Variants in ANKRD30BL observed in about 807,000 individuals in gnomAD.
The protein encoded by ANKRD30BL is putative ankyrin repeat domain-containing protein 30B-like.
ANKRD30BL carries 20 observed loss-of-function variants against 18.4 expected under a neutral mutation model. The ratio of observed to expected loss-of-function variants is 1.09; its 90% CI spans 0.77 to 1.58. The LOEUF is 1.58. Among genes scored for constraint, ANKRD30BL ranks in the 40% most tolerant of loss-of-function variants. The probability of loss-of-function intolerance (pLI) is 0.00; values close to 1 mark genes in which losing one functional copy is unlikely to be tolerated. For synonymous variants in ANKRD30BL, 72 were observed against 100.9 expected, an observed-to-expected ratio of 0.71 and a Z score of 1.72; for missense variants, 224 against 268.6, an observed-to-expected ratio of 0.83 and a Z score of 1.16.
Position 132,204,131 on chromosome 2 carries a change from A to G in ANKRD30BL, n.442-46985T>C, listed in dbSNP as rs9287393. On this transcript the variant is annotated intron_variant and non_coding_transcript_variant, in intron 1 of 4. Transcript: ENST00000470729. Reference sequence around the variant, plus strand: ...CAATATTTTAATTGGATCCTGAAAAATGAATGAAGATAGACAGAAAACAAG... The same window carrying G: ...CAATATTTTAATTGGATCCTGAAAAGTGAATGAAGATAGACAGAAAACAAG... 6.6e-5 allele frequency among the ~76,000 whole-genome samples: 10 copies of G among 152,220 alleles called. No individual in the cohort carries two copies. The East Asian group carries it at 1.5e-3, about 23-fold the overall frequency.
At chr2:132,256,409 T>G (rs2104816555) in intron 1 of ANKRD30BL, among the ~76,000 whole-genome samples, 1 of 152,228 alleles carries the variant, frequency 6.6e-6, no homozygotes, top group South Asian at 2.1e-4. Context: ...CGTGCCCATG[T>G]GCGAGGAGGC....
intron 1 of ANKRD30BL, among the ~76,000 whole-genome samples, chr2:132,176,979 T>C (rs1457910243): frequency 2.0e-5 from 3 of 152,176 alleles, no homozygotes; most frequent in African/African-American, 7.2e-5. Context: ...GTATTTACCT[T>C]AACCAAAACT....
chr2:132,227,017 T>G (rs979157456), intron 1 of ANKRD30BL, among the ~76,000 whole-genome samples: 1 of 151,432 alleles, frequency 6.6e-6, no homozygotes, highest in African/African-American at 2.4e-5. Flanking sequence ...TTGAGGCCTA[T>G]GGTGGGAAAG....
intron 1 of ANKRD30BL, among the ~76,000 whole-genome samples, chr2:132,198,322 TTC>T (rs1491134025): frequency 0.07 from 556 of 7,998 alleles, 12 homozygotes; most frequent in Non-Finnish European, 0.11. Flanking sequence ...CTTTCTTTCT[TTC>T]TTTTTTTTTT....
At chr2:132,200,035 C>T (rs1679063720) in intron 1 of ANKRD30BL, among the ~76,000 whole-genome samples, 1 of 152,142 alleles carries the variant, frequency 6.6e-6, no homozygotes, top group African/African-American at 2.4e-5. Flanking sequence ...TGTAATCTAG[C>T]ATATAAACAG....
chr2:132,214,160 C>A (rs990918020), intron 1 of ANKRD30BL, among the ~76,000 whole-genome samples: 1 of 151,372 alleles, frequency 6.6e-6, no homozygotes, highest in East Asian at 1.9e-4. Context: ...GAAATATCTT[C>A]ACATAAAAAC....
In ANKRD30BL at chr2:132,231,937, C is replaced by T. The variant is rs552242872; in HGVS notation, n.441+25592G>A. Among the ~76,000 whole-genome samples the T allele has an allele frequency of 5.1e-4, 78 of 152,328 alleles. 1 individual carries two copies. The highest frequency in any genetic ancestry group is 8.4e-4 in the Non-Finnish European group (57 of 68,032). ...CCTCTGCAGACTTAAATGTCCCTGT[C>T]TGACAGCTTTGAAGAGAGCAGTGGT... is the stretch of plus-strand genomic sequence containing the variant. On this transcript the variant is annotated intron_variant and non_coding_transcript_variant, in intron 1 of 4. Transcript: ENST00000470729.
At chr2:132,235,273 G>A (rs1278384798) in intron 1 of ANKRD30BL, among the ~76,000 whole-genome samples, 2 of 152,100 alleles carry the variant, frequency 1.3e-5, no homozygotes, top group African/African-American at 4.8e-5. Context: ...TTTGAAAACT[G>A]GCACAAGACA....
intron 3 of ANKRD30BL, 57 bp from the exon 4 acceptor site, chr2:132,154,825 T>C (rs200274266): frequency 1.6e-6 from 1 of 639,062 alleles, no homozygotes; most frequent in Admixed American, 2.8e-5. Context: ...CTCAGCTGAA[T>C]TGAATACCTT....
chr2:132,229,200 C>T (rs558074186), intron 1 of ANKRD30BL, among the ~76,000 whole-genome samples: 3 of 151,828 alleles, frequency 2.0e-5, no homozygotes, highest in African/African-American at 7.3e-5. Context: ...TTTGAAGGAC[C>T]AGTTTTGAAA....
intron 1 of ANKRD30BL, among the ~76,000 whole-genome samples, chr2:132,231,077 A>G (rs1194563020): frequency 1.3e-5 from 2 of 152,018 alleles, no homozygotes; most frequent in African/African-American, 4.8e-5. Flanking sequence ...TTGAAAGAGC[A>G]GGTTTGAAAC....
chr2:132,221,546 G>C (rs1679683801), intron 1 of ANKRD30BL, among the ~76,000 whole-genome samples: 1 of 135,130 alleles, frequency 7.4e-6, no homozygotes, highest in Non-Finnish European at 1.6e-5. Context: ...GAGGGAGGTG[G>C]GGGGGTCAGC....
rs180752597 is a variant in ANKRD30BL at position 132,230,977 on chromosome 2, C to T, written n.441+26552G>A. Among the ~76,000 whole-genome samples the T allele has an allele frequency of 9.7e-3, 1,475 of 152,186 alleles. 23 individuals are homozygous for T. The highest frequency in any genetic ancestry group is 0.032 in the African/African-American group (1,324 of 41,520). On this transcript the variant is annotated intron_variant and non_coding_transcript_variant, in intron 1 of 4. Coordinates refer to the ANKRD30BL transcript ENST00000470729. ...AATGCTTTGCAGCCTTCATTGGAAA[C>T]GGGAATATCTTCACATAATCACTAG...
chr2:132,148,352 C>CTTTTTTTTTTTTTTTTT lies in ANKRD30BL; in HGVS notation c.680-141_680-125dup, dbSNP rs869150935. The CTTTTTTTTTTTTTTTTT allele has an allele frequency of 6.0e-5, 9 of 151,090 alleles. 3 individuals are homozygous for CTTTTTTTTTTTTTTTTT. Among genetic ancestry groups the CTTTTTTTTTTTTTTTTT allele is most frequent in the African/African-American group, 3.3e-4 (5 of 15,168 alleles). 9.4% of individuals were successfully genotyped at this position (151,090 alleles called of 1,614,324 possible). ...AATACTACCAAACTTTTGTTTTCTC[C>CTTTTTTTTTTTTTTTTT]TTTTTTTTTTTTTTTTTTTTTTTTT... On this transcript the variant is annotated intron_variant, in intron 5 of 5. Coordinates refer to ENST00000409867, the MANE Select transcript of ANKRD30BL (RefSeq NM_001358416.1).
chr2:132,197,148 T>C (rs1290827831), intron 1 of ANKRD30BL, among the ~76,000 whole-genome samples: 1 of 152,278 alleles, frequency 6.6e-6, no homozygotes, highest in Non-Finnish European at 1.5e-5. Flanking sequence ...ATTTGTATAC[T>C]TTACATGATG....
intron 1 of ANKRD30BL, among the ~76,000 whole-genome samples, chr2:132,234,155 C>T (rs1210594805): frequency 6.6e-6 from 1 of 152,108 alleles, no homozygotes; most frequent in Non-Finnish European, 1.5e-5. Flanking sequence ...AAAGACACAA[C>T]ATACCAGAAT....
chr2:132,211,768 G>A (rs1573847014), intron 1 of ANKRD30BL, among the ~76,000 whole-genome samples: 1 of 151,148 alleles, frequency 6.6e-6, no homozygotes, highest in African/African-American at 2.4e-5. Context: ...AGCATTCTCT[G>A]AAACTTCTTT....
chr2:132,149,631 A>T (rs956388715), intron 5 of ANKRD30BL, among the ~76,000 whole-genome samples: 8 of 152,168 alleles, frequency 5.3e-5, no homozygotes, highest in African/African-American at 1.9e-4. Flanking sequence ...CAAATTCTAA[A>T]GATAGTTACT....
At chr2:132,243,960 T>A (rs1175763582) in intron 1 of ANKRD30BL, among the ~76,000 whole-genome samples, 3 of 152,366 alleles carry the variant, frequency 2.0e-5, no homozygotes, top group Non-Finnish European at 4.4e-5. Flanking sequence ...ATGTGCATAC[T>A]CAACTCACAG....
Sources: allele counts gnomAD v4.1 joint callset (sites outside exome capture counted in the v4.1 genomes callset), GRCh38; gene constraint gnomAD v4.1.1; transcripts MANE v1.5; gene names NCBI Gene and HGNC (gene_info 2026-07-23, HGNC 2026-07-21).